Variants in CNTN5 observed in about 807,000 individuals in gnomAD.
The protein encoded by CNTN5 is contactin 5.
CNTN5 carries 77 observed loss-of-function variants against 129.1 expected under a neutral mutation model. The ratio of observed to expected loss-of-function variants is 0.60; its 90% CI spans 0.50 to 0.72. The LOEUF is 0.72. Ranked by LOEUF, CNTN5 falls within the 30% of genes least tolerant of loss-of-function variation. The pLI is 0.00. For missense variants in CNTN5, 1,478 were observed against 1,328.8 expected (o/e 1.11, Z -1.75); for synonymous variants, 509 against 465.6 (o/e 1.09, Z -1.20).
chr11:100,006,814 G>T (rs766589538), intron 9 of CNTN5, among the ~76,000 whole-genome samples: 1 of 152,014 alleles, frequency 6.6e-6, no homozygotes, highest in Admixed American at 6.6e-5. Context: ...AATTTACTTT[G>T]CTCAGATCTA....
chr11:100,174,597 A>G (rs10501950), intron 13 of CNTN5, among the ~76,000 whole-genome samples: 4,702 of 152,230 alleles, frequency 0.031, 244 homozygotes, highest in African/African-American at 0.11. Context: ...TATGCCTGTG[A>G]CGAATACCTT....
At chr11:100,001,103 G>A (rs989974326) in intron 8 of CNTN5, among the ~76,000 whole-genome samples, 2 of 152,216 alleles carry the variant, frequency 1.3e-5, no homozygotes, top group Admixed American at 6.5e-5. Context: ...TCAGCTCCTC[G>A]TTACTTATGC....
intron 1 of CNTN5, among the ~76,000 whole-genome samples, chr11:99,076,513 T>A (rs1865583258): frequency 6.6e-6 from 1 of 152,004 alleles, no homozygotes; most frequent in South Asian, 2.1e-4. Context: ...TGGTAATAAC[T>A]GATATGTGAA....
chr11:100,151,419 T>C (rs1358435067), intron 13 of CNTN5, among the ~76,000 whole-genome samples: 1 of 151,198 alleles, frequency 6.6e-6, no homozygotes, highest in East Asian at 1.9e-4. Context: ...AGACAGACAG[T>C]TGCCAAAATG....
intron 9 of CNTN5, among the ~76,000 whole-genome samples, chr11:100,014,239 T>C (rs1045907343): frequency 6.6e-6 from 1 of 152,190 alleles, no homozygotes; most frequent in South Asian, 2.1e-4. Context: ...CCACATTTGA[T>C]GCAGCCCTCT....
intron 2 of CNTN5, among the ~76,000 whole-genome samples, chr11:99,345,010 A>T (rs2136066138): frequency 6.6e-6 from 1 of 152,264 alleles, no homozygotes; most frequent in African/African-American, 2.4e-5. Context: ...GGAACAGAAA[A>T]CATAATGGAC....
chr11:99,191,079 C>G (rs2135591941), intron 1 of CNTN5, among the ~76,000 whole-genome samples: 1 of 151,784 alleles, frequency 6.6e-6, no homozygotes, highest in Admixed American at 6.6e-5. Context: ...AAATGCCTTT[C>G]CTTCATCTAT....
intron 6 of CNTN5, among the ~76,000 whole-genome samples, chr11:99,872,862 T>G (rs568252853): frequency 2.6e-5 from 4 of 152,276 alleles, no homozygotes; most frequent in African/African-American, 9.6e-5. Flanking sequence ...AATTGTTACA[T>G]ATTTGAGATT....
At chr11:99,198,999 A>C (rs998427058) in intron 1 of CNTN5, among the ~76,000 whole-genome samples, 11 of 152,156 alleles carry the variant, frequency 7.2e-5, no homozygotes, top group African/African-American at 2.7e-4. Context: ...CACTAAAGAA[A>C]GGGGGAAGGA....
chr11:99,351,456 A>G (rs1325993794), intron 2 of CNTN5, among the ~76,000 whole-genome samples: 1 of 152,226 alleles, frequency 6.6e-6, no homozygotes, highest in African/African-American at 2.4e-5. Context: ...GTTGTGGTAT[A>G]CAAATTCCTC....
At chr11:99,686,004 C>A (rs755752207) in intron 3 of CNTN5, among the ~76,000 whole-genome samples, 2 of 151,992 alleles carry the variant, frequency 1.3e-5, no homozygotes, top group African/African-American at 4.8e-5. Context: ...TTAAAATATA[C>A]ATCCTTGACT....
chr11:100,270,491 G>T (rs1305028654), intron 17 of CNTN5, among the ~76,000 whole-genome samples: 1 of 152,150 alleles, frequency 6.6e-6, no homozygotes, highest in Non-Finnish European at 1.5e-5. Flanking sequence ...CCCAAATAAA[G>T]CATGCATGCC....
intron 2 of CNTN5, among the ~76,000 whole-genome samples, chr11:99,420,681 C>T (rs566789184): frequency 1.3e-5 from 2 of 151,994 alleles, no homozygotes; most frequent in Non-Finnish European, 2.9e-5. Flanking sequence ...TTGTTGAATG[C>T]CTGATAAATT....
chr11:99,606,060 C>T (rs1379175903), intron 3 of CNTN5, among the ~76,000 whole-genome samples: 1 of 58,650 alleles, frequency 1.7e-5, no homozygotes, highest in African/African-American at 6.2e-5. Context: ...CCTCTCTCAC[C>T]GCTCCTATTC....
intron 1 of CNTN5, among the ~76,000 whole-genome samples, chr11:99,280,691 T>C (rs1197028106): frequency 1.3e-5 from 2 of 151,748 alleles, no homozygotes; most frequent in African/African-American, 2.4e-5. Context: ...TCTGGAGGAA[T>C]GTATTCTCAA....
At chr11:99,184,168 C>A (rs1253488805) in intron 1 of CNTN5, among the ~76,000 whole-genome samples, 1 of 151,910 alleles carries the variant, frequency 6.6e-6, no homozygotes, top group Non-Finnish European at 1.5e-5. Flanking sequence ...TATTTGTCAC[C>A]CCCTTAGAAA....
intron 8 of CNTN5, among the ~76,000 whole-genome samples, chr11:99,963,665 T>A (rs1257386723): frequency 1.3e-5 from 2 of 152,170 alleles, no homozygotes; most frequent in African/African-American, 4.8e-5. Flanking sequence ...CCATATGAAC[T>A]TTAAAGTAGT....
At chr11:100,283,168 T>A (rs903167173) in intron 18 of CNTN5, among the ~76,000 whole-genome samples, 3 of 152,170 alleles carry the variant, frequency 2.0e-5, no homozygotes, top group African/African-American at 7.2e-5. Context: ...ACTGGGTCTT[T>A]CCCTTCAAGG....
chr11:99,199,197 CA>C (rs1225817105), intron 1 of CNTN5, among the ~76,000 whole-genome samples: 1 of 151,936 alleles, frequency 6.6e-6, no homozygotes, highest in East Asian at 1.9e-4. Flanking sequence ...TCAAAGTCTT[CA>C]AAAATTTTTC....
Sources: allele counts gnomAD v4.1 joint callset (sites outside exome capture counted in the v4.1 genomes callset), GRCh38; gene constraint gnomAD v4.1.1; transcripts MANE v1.5; gene names NCBI Gene and HGNC (gene_info 2026-07-23, HGNC 2026-07-21).